Variants in NAA11 observed in about 807,000 individuals in gnomAD.
NAA11 encodes the protein N-alpha-acetyltransferase 11, NatA catalytic subunit.
Under a neutral mutation model 16.1 loss-of-function variants are expected in NAA11, and 15 were observed. The observed-to-expected ratio is 0.93, with a 90% CI of 0.62 to 1.44. The LOEUF (loss-of-function observed/expected upper bound fraction) is 1.44, where lower values mean the gene tolerates loss of function less well. Among genes scored for constraint, NAA11 ranks in the 40% most tolerant of loss-of-function variants. The pLI is 0.00. For missense variants in NAA11, 298 were observed against 291.3 expected, an observed-to-expected ratio of 1.02 and a Z score of -0.17; for synonymous variants, 122 against 112.4, an observed-to-expected ratio of 1.09 and a Z score of -0.54.
At chr4:79,279,206 T>G (rs1452580527) in intron 2 of NAA11, among the ~76,000 whole-genome samples, 3 of 152,162 alleles carry the variant, frequency 2.0e-5, no homozygotes, top group Non-Finnish European at 4.4e-5. Context: ...TAGTAATGTA[T>G]ATCATCTTTC....
intron 1 of NAA11, chr4:79,299,634 C>CA (rs575027050): frequency 6.6e-6 from 1 of 152,106 alleles, no homozygotes; most frequent in Non-Finnish European, 1.5e-5. Context: ...CTCTCCACCC[C>CA]AAACAAACAA....
chr4:79,206,394 GAATA>G, the NAA11 span, among the ~76,000 whole-genome samples: 1 of 151,998 alleles, frequency 6.6e-6, no homozygotes, highest in Non-Finnish European at 1.5e-5. Context: ...ATCTAATTAA[GAATA>G]AATAGTAACT....
chr4:79,287,685 GAGAA>G (rs1404719089), intron 2 of NAA11, among the ~76,000 whole-genome samples: 1 of 151,854 alleles, frequency 6.6e-6, no homozygotes, highest in Non-Finnish European at 1.5e-5. Flanking sequence ...GTGTGAGTGA[GAGAA>G]AGAGGGAGAG....
intron 2 of NAA11, among the ~76,000 whole-genome samples, chr4:79,271,783 G>A (rs1244064132): frequency 6.6e-6 from 1 of 152,020 alleles, no homozygotes. Flanking sequence ...GGCTAATGAA[G>A]TGAAAGGGAA....
chr4:79,287,214 T>G (rs1376343592), intron 2 of NAA11, among the ~76,000 whole-genome samples: 1 of 152,126 alleles, frequency 6.6e-6, no homozygotes, highest in Non-Finnish European at 1.5e-5. Flanking sequence ...AGCTGGGATA[T>G]TCAGTGGAGA....
the NAA11 span, among the ~76,000 whole-genome samples, chr4:79,194,445 A>G: frequency 6.6e-6 from 1 of 152,090 alleles, no homozygotes; most frequent in Admixed American, 6.6e-5. Context: ...GTGATGTTGA[A>G]GGTGAAGTGT....
At chr4:79,256,623 T>G (rs955402818) in intron 2 of NAA11, among the ~76,000 whole-genome samples, 2 of 140,214 alleles carry the variant, frequency 1.4e-5, no homozygotes, top group African/African-American at 2.6e-5. Flanking sequence ...TTAACTCAAT[T>G]AAAATGAACC....
the NAA11 span, among the ~76,000 whole-genome samples, chr4:79,206,763 G>A: frequency 9.9e-4 from 150 of 152,244 alleles, 2 homozygotes; most frequent in Non-Finnish European, 3.2e-4. Flanking sequence ...AGGTAGATGC[G>A]TCAAGTTATA....
the NAA11 span, among the ~76,000 whole-genome samples, chr4:79,220,003 T>C: frequency 6.6e-6 from 1 of 152,206 alleles, no homozygotes; most frequent in Non-Finnish European, 1.5e-5. Flanking sequence ...ACCTTGTACT[T>C]TCTTGTCCTA....
At chr4:79,269,655 C>G (rs1466998672) in intron 2 of NAA11, among the ~76,000 whole-genome samples, 2 of 147,520 alleles carry the variant, frequency 1.4e-5, no homozygotes, top group Non-Finnish European at 3.0e-5. Context: ...TGTAGGTTGC[C>G]TGTTCACTCT....
chr4:79,248,991 G>GC (rs138678447), intron 2 of NAA11, among the ~76,000 whole-genome samples: 9,734 of 150,758 alleles, frequency 0.065, 394 homozygotes, highest in Middle Eastern at 0.12. Flanking sequence ...GAGCACTTGA[G>GC]CCCCCCCCCA....
At chr4:79,272,120 G>T (rs1031002225) in intron 2 of NAA11, among the ~76,000 whole-genome samples, 1 of 151,456 alleles carries the variant, frequency 6.6e-6, no homozygotes, top group Non-Finnish European at 1.5e-5. Flanking sequence ...TATATACTAT[G>T]CTATATACAC....
At chr4:79,281,710 A>T (rs1210827175) in intron 2 of NAA11, among the ~76,000 whole-genome samples, 1 of 152,130 alleles carries the variant, frequency 6.6e-6, no homozygotes, top group Non-Finnish European at 1.5e-5. Context: ...GCATGTACAC[A>T]ATGACAAATT....
intron 2 of NAA11, among the ~76,000 whole-genome samples, chr4:79,237,181 A>T (rs1200198602): frequency 6.6e-6 from 1 of 152,184 alleles, no homozygotes; most frequent in Non-Finnish European, 1.5e-5. Flanking sequence ...TTTACTGTAT[A>T]TCAGGGAACA....
At chr4:79,276,005 G>C (rs1034966267) in intron 2 of NAA11, among the ~76,000 whole-genome samples, 1 of 152,060 alleles carries the variant, frequency 6.6e-6, no homozygotes, top group African/African-American at 2.4e-5. Flanking sequence ...AAAAGGACAA[G>C]ATTATTTTAA....
chr4:79,295,383 C>T (rs1398047403), intron 1 of NAA11, among the ~76,000 whole-genome samples: 1 of 152,144 alleles, frequency 6.6e-6, no homozygotes, highest in Non-Finnish European at 1.5e-5. Context: ...GGATTACAGG[C>T]TTTCAGAAAA....
chr4:79,292,232 G>A (rs1016117611), intron 2 of NAA11, among the ~76,000 whole-genome samples: 1 of 152,122 alleles, frequency 6.6e-6, no homozygotes, highest in Non-Finnish European at 1.5e-5. Context: ...TCTCAGAGGA[G>A]CAAACACTAG....
chr4:79,238,287 A>C (rs1721615899), intron 2 of NAA11, among the ~76,000 whole-genome samples: 1 of 152,200 alleles, frequency 6.6e-6, no homozygotes, highest in African/African-American at 2.4e-5. Context: ...AAACTATGAT[A>C]ATCCATGTGA....
At chr4:79,272,303 G>A (rs907572633) in intron 2 of NAA11, among the ~76,000 whole-genome samples, 1 of 152,028 alleles carries the variant, frequency 6.6e-6, no homozygotes, top group Admixed American at 6.6e-5. Context: ...TTCCAAACTT[G>A]TTGGAGTTCT....
Sources: gnomAD v4.1 joint callset for allele counts (sites outside exome capture counted in the v4.1 genomes callset) on GRCh38, gnomAD v4.1.1 for gene constraint, MANE v1.5 for transcripts, NCBI Gene and HGNC (gene_info 2026-07-23, HGNC 2026-07-21) for gene names.